CCSER2: variants seen among roughly 807,000 people sequenced by gnomAD.
CCSER2 encodes coiled-coil serine rich protein 2.
In CCSER2, 46 loss-of-function variants were observed where a neutral mutation model predicts 92.3. The observed-to-expected ratio is 0.50, with a 90% CI of 0.39 to 0.64. The LOEUF (loss-of-function observed/expected upper bound fraction) is 0.64, where lower values mean the gene tolerates loss of function less well. Among genes scored for constraint, CCSER2 ranks in the 30% least tolerant of loss-of-function variants. The probability of loss-of-function intolerance (pLI) is 0.00; values close to 1 mark genes in which losing one functional copy is unlikely to be tolerated. For missense variants in CCSER2, 1,244 were observed against 1,238.9 expected, an observed-to-expected ratio of 1.00 and a Z score of -0.06; for synonymous variants, 433 against 431.4, an observed-to-expected ratio of 1.00 and a Z score of -0.04.
At chr10:84,495,946 G>A (rs914384788) in intron 9 of CCSER2, among the ~76,000 whole-genome samples, 1 of 149,898 alleles carries the variant, frequency 6.7e-6, no homozygotes, top group Non-Finnish European at 1.5e-5. Flanking sequence ...TTTTTGCTAT[G>A]TAAGTCTGCC....
At chr10:84,479,780 G>C (rs185727290) in intron 9 of CCSER2, among the ~76,000 whole-genome samples, 39 of 152,238 alleles carry the variant, frequency 2.6e-4, no homozygotes, top group African/African-American at 8.9e-4. Flanking sequence ...TTATGCAAGT[G>C]TTTACACAAC....
chr10:84,512,017 A>AT (rs918548427), intron 9 of CCSER2, among the ~76,000 whole-genome samples: 22 of 150,832 alleles, frequency 1.5e-4, no homozygotes, highest in African/African-American at 1.9e-4. Flanking sequence ...CACTGTCTTG[A>AT]TTTTTTTTTA....
At chr10:84,346,657 A>G (rs183301581) in intron 1 of CCSER2, among the ~76,000 whole-genome samples, 1 of 152,010 alleles carries the variant, frequency 6.6e-6, no homozygotes, top group Admixed American at 6.5e-5. Context: ...TCATCCAGCC[A>G]TCTGTTACAG....
rs147827469 is a variant in CCSER2 at position 84,348,787 on chromosome 10, A to G, written c.-40+19979A>G. ...ATACTCAGAGAAATGTTGCAAGACC[A>G]AGATTAGTACAAAAAATATCTAAAT... On this transcript the variant is annotated intron_variant, in intron 1 of 9. Coordinates refer to ENST00000372088, the MANE Select transcript of CCSER2 (RefSeq NM_001284240.2). Among the ~76,000 whole-genome samples the G allele has an allele frequency of 4.9e-3, 752 of 152,292 alleles. 6 individuals are homozygous for G. Among genetic ancestry groups the G allele is most frequent in the African/African-American group, 0.017 (719 of 41,564 alleles).
chr10:84,375,926 G>A (rs1210095916), intron 3 of CCSER2, among the ~76,000 whole-genome samples: 1 of 148,358 alleles, frequency 6.7e-6, no homozygotes, highest in Non-Finnish European at 1.5e-5. Flanking sequence ...AAGACCTTTA[G>A]CATATTCTCA....
At chr10:84,367,901 C>T (rs932386636) in intron 1 of CCSER2, among the ~76,000 whole-genome samples, 3 of 152,028 alleles carry the variant, frequency 2.0e-5, no homozygotes, top group Non-Finnish European at 2.9e-5. Context: ...TTTTGTCTTG[C>T]TCAGGCTTAA....
chr10:84,503,550 T>C lies in CCSER2; in HGVS notation c.2326-9899T>C, dbSNP rs1404845507. Among the ~76,000 whole-genome samples, 7 of 152,314 alleles carry C rather than the reference T, an allele frequency of 4.6e-5. No homozygotes were observed. The East Asian group carries it at 1.3e-3, about 29-fold the overall frequency. On this transcript the variant is annotated intron_variant, in intron 9 of 9. Transcript: ENST00000372088. Reference sequence around the variant, plus strand: ...AGTAGGAAAATTTAATAAAAATAATTGTTTTTGGCAAATAGAAAGCCTTCC... The same window carrying C: ...AGTAGGAAAATTTAATAAAAATAATCGTTTTTGGCAAATAGAAAGCCTTCC...
intron 1 of CCSER2, among the ~76,000 whole-genome samples, chr10:84,330,633 C>T (rs1013263152): frequency 8.5e-5 from 13 of 152,100 alleles, no homozygotes; most frequent in African/African-American, 3.1e-4. Flanking sequence ...TTGCCTCAGC[C>T]TCCTGAGTAG....
intron 5 of CCSER2, among the ~76,000 whole-genome samples, chr10:84,429,744 A>G (rs1274036359): frequency 2.0e-5 from 3 of 151,960 alleles, no homozygotes; most frequent in African/African-American, 7.3e-5. Flanking sequence ...TATACAGATT[A>G]ATGTTTTTCA....
At chr10:84,332,436 A>ATATTTTTTTT (rs1401635246) in intron 1 of CCSER2, among the ~76,000 whole-genome samples, 1 of 55,208 alleles carries the variant, frequency 1.8e-5, no homozygotes, top group African/African-American at 1.1e-4. Flanking sequence ...ATATATATAT[A>ATATTTTTTTT]TTTTTTTTTT....
intron 3 of CCSER2, among the ~76,000 whole-genome samples, chr10:84,383,169 A>T (rs1841005766): frequency 1.3e-5 from 2 of 152,102 alleles, no homozygotes; most frequent in Admixed American, 6.5e-5. Flanking sequence ...CCTGGTTTAT[A>T]TTTGCCTTAC....
intron 8 of CCSER2, among the ~76,000 whole-genome samples, chr10:84,473,907 T>C (rs1042954798): frequency 2.6e-5 from 4 of 152,206 alleles, no homozygotes; most frequent in Admixed American, 6.5e-5. Flanking sequence ...TGCTTTTTTA[T>C]CTTTTTAAAA....
chr10:84,498,499 T>C (rs1025707690), intron 9 of CCSER2, among the ~76,000 whole-genome samples: 9 of 152,116 alleles, frequency 5.9e-5, no homozygotes, highest in African/African-American at 2.2e-4. Flanking sequence ...CTGTTTTATA[T>C]TGAACAATGT....
chr10:84,363,410 A>G (rs1845614984), intron 1 of CCSER2, among the ~76,000 whole-genome samples: 1 of 152,160 alleles, frequency 6.6e-6, no homozygotes, highest in South Asian at 2.1e-4. Flanking sequence ...GGTTAAAAAA[A>G]ATTACTTTAA....
intron 9 of CCSER2, among the ~76,000 whole-genome samples, chr10:84,502,367 C>CTTTTTT (rs562377515): frequency 2.7e-5 from 3 of 111,258 alleles, no homozygotes; most frequent in Non-Finnish European, 3.6e-5. Context: ...TTGATGACTT[C>CTTTTTT]TTTTTTTTTT....
intron 6 of CCSER2, among the ~76,000 whole-genome samples, chr10:84,448,501 A>G (rs1408877787): frequency 6.6e-6 from 1 of 151,974 alleles, no homozygotes; most frequent in Non-Finnish European, 1.5e-5. Flanking sequence ...TGGGGTGGAA[A>G]CCTATTTTGC....
At chr10:84,427,648 T>C (rs1451837967) in intron 5 of CCSER2, among the ~76,000 whole-genome samples, 1 of 152,220 alleles carries the variant, frequency 6.6e-6, no homozygotes, top group Non-Finnish European at 1.5e-5. Context: ...ACTCATGTTC[T>C]CATCGTAATA....
intron 5 of CCSER2, among the ~76,000 whole-genome samples, chr10:84,430,126 C>T (rs1214065827): frequency 1.3e-5 from 2 of 152,026 alleles, no homozygotes; most frequent in Admixed American, 1.3e-4. Flanking sequence ...TGTGTGTTTG[C>T]TTAGGCACAC....
intron 1 of CCSER2, among the ~76,000 whole-genome samples, chr10:84,332,436 A>ATATATATATTTTTTTT (rs1401635246): frequency 1.3e-4 from 7 of 55,214 alleles, no homozygotes; most frequent in African/African-American, 6.9e-4. Context: ...ATATATATAT[A>ATATATATATTTTTTTT]TTTTTTTTTT....
Sources: allele counts gnomAD v4.1 joint callset (sites outside exome capture counted in the v4.1 genomes callset), GRCh38; gene constraint gnomAD v4.1.1; transcripts MANE v1.5; gene names NCBI Gene and HGNC (gene_info 2026-07-23, HGNC 2026-07-21).